The following ELAVL2 variants were observed in gnomAD, a reference collection of about 807,000 sequenced individuals.
The protein encoded by ELAVL2 is ELAV-like protein 2.
ELAVL2 carries 4 observed loss-of-function variants against 34.6 expected under a neutral mutation model. The ratio of observed to expected loss-of-function variants is 0.12; its 90% CI spans 0.06 to 0.26. The LOEUF (loss-of-function observed/expected upper bound fraction) is 0.26, where lower values mean the gene tolerates loss of function less well. ELAVL2 is among the 10% of genes least tolerant of loss of function. ELAVL2 has a pLI of 1.00. For missense variants in ELAVL2, 432 were observed against 442.8 expected (o/e 0.98, Z 0.22); for synonymous variants, 193 against 154.8 (o/e 1.25, Z -1.83).
At chr9:23,790,656 G>A (rs1238335337) in intron 1 of ELAVL2, among the ~76,000 whole-genome samples, 2 of 152,170 alleles carry the variant, frequency 1.3e-5, no homozygotes, top group Non-Finnish European at 2.9e-5. Flanking sequence ...TTAGGCTGGA[G>A]CAAATAACTA....
chr9:23,837,060 TAGA>T, the ELAVL2 span, among the ~76,000 whole-genome samples: 72 of 152,270 alleles, frequency 4.7e-4, no homozygotes, highest in African/African-American at 1.6e-3. Context: ...CTGACAGGTA[TAGA>T]AGAAGAGTTC....
chr9:23,757,412 G>A (rs1191912463), intron 2 of ELAVL2, among the ~76,000 whole-genome samples: 3 of 152,048 alleles, frequency 2.0e-5, no homozygotes, highest in Admixed American at 6.6e-5. Flanking sequence ...CCGCTTAATA[G>A]CTCTGTGGCC....
At chr9:23,814,942 T>C (rs552700621) in intron 1 of ELAVL2, among the ~76,000 whole-genome samples, 2 of 150,538 alleles carry the variant, frequency 1.3e-5, no homozygotes, top group African/African-American at 2.4e-5. Flanking sequence ...TATACACAAA[T>C]GATGCCTAAA....
intron 2 of ELAVL2, among the ~76,000 whole-genome samples, chr9:23,738,012 G>A (rs79844873): frequency 0.013 from 1,989 of 152,278 alleles, 42 homozygotes; most frequent in African/African-American, 0.041. Flanking sequence ...GTTGCCTCCT[G>A]ATATCCTTCT....
At chr9:23,702,967 A>AAAACAAC (rs2037894808) in intron 4 of ELAVL2, among the ~76,000 whole-genome samples, 1 of 143,550 alleles carries the variant, frequency 7.0e-6, no homozygotes, top group Non-Finnish European at 1.5e-5. Context: ...AAAAAAAAAA[A>AAAACAAC]AAAAAAAAAA....
chr9:23,808,274 T>A (rs1477784287), intron 1 of ELAVL2, among the ~76,000 whole-genome samples: 1 of 152,196 alleles, frequency 6.6e-6, no homozygotes, highest in Non-Finnish European at 1.5e-5. Context: ...CACAATTATA[T>A]GTAATAATTT....
At chr9:23,703,082 T>G (rs1424962386) in intron 4 of ELAVL2, among the ~76,000 whole-genome samples, 1 of 151,462 alleles carries the variant, frequency 6.6e-6, no homozygotes, top group Non-Finnish European at 1.5e-5. Context: ...TTCAGTAGGT[T>G]CTGAATGAAG....
intron 1 of ELAVL2, among the ~76,000 whole-genome samples, chr9:23,797,732 A>C (rs2061117984): frequency 6.6e-6 from 1 of 152,104 alleles, no homozygotes; most frequent in South Asian, 2.1e-4. Context: ...GTTTGAGACC[A>C]ATCTGACCAA....
In ELAVL2 at chr9:23,731,003, A is replaced by G; in HGVS notation, c.333+19T>C. On this transcript the variant is annotated intron_variant, in intron 3 of 6. Coordinates refer to ENST00000397312, the MANE Select transcript of ELAVL2 (RefSeq NM_004432.5). Reference sequence around the variant, plus strand: ...AAACTTCTGTTCCGCAAGTAGATATAAAAAAACTTTAAACATACTTTTATT... The same window carrying G: ...AAACTTCTGTTCCGCAAGTAGATATGAAAAAACTTTAAACATACTTTTATT... 3.8e-6 allele frequency: 6 copies of G among 1,596,824 alleles called. No individual in the cohort carries two copies. Among genetic ancestry groups the G allele is most frequent in the Non-Finnish European group, 5.1e-6 (6 of 1,172,138 alleles).
chr9:23,755,003 T>C (rs946490078), intron 2 of ELAVL2, among the ~76,000 whole-genome samples: 1 of 152,168 alleles, frequency 6.6e-6, no homozygotes, highest in African/African-American at 2.4e-5. Context: ...TTGTCATTAC[T>C]TACCCCTACA....
intron 5 of ELAVL2, among the ~76,000 whole-genome samples, chr9:23,695,485 C>T (rs1411003362): frequency 6.6e-6 from 1 of 152,064 alleles, no homozygotes; most frequent in Non-Finnish European, 1.5e-5. Flanking sequence ...CAAATCTGCC[C>T]CTGAAGTGAA....
At chr9:23,801,813 C>G (rs1406698878) in intron 1 of ELAVL2, among the ~76,000 whole-genome samples, 11 of 152,174 alleles carry the variant, frequency 7.2e-5, no homozygotes, top group African/African-American at 2.7e-4. Flanking sequence ...CCCTTCACTA[C>G]CAACACCCCA....
At chr9:23,779,511 T>G in intron 1 of ELAVL2, 5 of 542,940 alleles carry the variant, frequency 9.2e-6, no homozygotes, top group African/African-American at 2.1e-5. Context: ...TAATGCATTC[T>G]TCCCTGCCTC....
intron 1 of ELAVL2, among the ~76,000 whole-genome samples, chr9:23,797,860 G>A (rs771870699): frequency 5.9e-5 from 9 of 152,140 alleles, no homozygotes; most frequent in African/African-American, 2.2e-4. Context: ...CCTGGGAAGC[G>A]GAGGTTGCGG....
intron 2 of ELAVL2, among the ~76,000 whole-genome samples, chr9:23,750,031 GAAA>G (rs10718431): frequency 1.5e-3 from 204 of 136,684 alleles, no homozygotes; most frequent in African/African-American, 5.2e-3. Context: ...CTTAAAAAAG[GAAA>G]AAAAAAAAAA....
At position 23,690,610 on chromosome 9, in the gene ELAVL2, T is replaced by C. The variant is rs1294623447; in HGVS notation, c.*1947A>G. ...GCCTCACAGTATATGTACTGTACTA[T>C]ACTGAAAAATTTTATAACTACAATT... is the stretch of plus-strand genomic sequence containing the variant. On this transcript the variant is annotated 3_prime_UTR_variant, in exon 7 of 7. Coordinates refer to ENST00000397312, the MANE Select transcript of ELAVL2 (RefSeq NM_004432.5). 2 of 152,550 alleles carry C rather than the reference T, an allele frequency of 1.3e-5. No homozygotes were observed. The highest frequency in any genetic ancestry group is 2.9e-5 in the Non-Finnish European group (2 of 67,998). The allele number at this position is 152,550 out of a possible 1,614,324, so 9.4% of individuals were successfully genotyped here. A position where few individuals can be genotyped will look rare whatever the true frequency, so the allele number is the denominator to read the frequency against.
intron 1 of ELAVL2, among the ~76,000 whole-genome samples, chr9:23,767,397 A>G (rs538030321): frequency 6.6e-6 from 1 of 152,310 alleles, no homozygotes; most frequent in South Asian, 2.1e-4. Flanking sequence ...TAATCTTACA[A>G]TTAAAAAATT....
At chr9:23,725,521 A>T (rs937010391) in intron 3 of ELAVL2, among the ~76,000 whole-genome samples, 2 of 152,114 alleles carry the variant, frequency 1.3e-5, no homozygotes, top group African/African-American at 2.4e-5. Flanking sequence ...CTGCCTGCAT[A>T]CCCTCTCCTC....
chr9:23,742,527 C>G (rs767809822), intron 2 of ELAVL2, among the ~76,000 whole-genome samples: 3 of 152,196 alleles, frequency 2.0e-5, no homozygotes, highest in Non-Finnish European at 2.9e-5. Flanking sequence ...TGGGTAGCAT[C>G]ACATGATCAG....
Sources: allele counts gnomAD v4.1 joint callset (sites outside exome capture counted in the v4.1 genomes callset), GRCh38; gene constraint gnomAD v4.1.1; transcripts MANE v1.5; gene names NCBI Gene and HGNC (gene_info 2026-07-23, HGNC 2026-07-21).